PRKG1: variants seen among roughly 807,000 people sequenced by gnomAD.
PRKG1 encodes the protein cGMP-dependent protein kinase 1.
A neutral mutation model predicts 88.1 loss-of-function variants in PRKG1; 35 were observed. The ratio of observed to expected loss-of-function variants is 0.40; its 90% CI spans 0.30 to 0.53. The LOEUF (loss-of-function observed/expected upper bound fraction) is 0.53. Among genes scored for constraint, PRKG1 ranks in the 20% least tolerant of loss-of-function variants. The pLI is 0.59. For synonymous variants in PRKG1, 303 were observed against 292.5 expected, an observed-to-expected ratio of 1.04 and a Z score of -0.37; for missense variants, 540 against 839.8, an observed-to-expected ratio of 0.64 and a Z score of 4.41.
chr10:52,191,306 G>A (rs10824223), intron 9 of PRKG1, among the ~76,000 whole-genome samples: 31,679 of 151,618 alleles, frequency 0.21, 4,673 homozygotes, highest in African/African-American at 0.42. Flanking sequence ...CACAGCAGGA[G>A]TGGCAGGAGC....
At chr10:51,458,862 C>A (rs1472092682) in intron 2 of PRKG1, among the ~76,000 whole-genome samples, 1 of 151,984 alleles carries the variant, frequency 6.6e-6, no homozygotes, top group Non-Finnish European at 1.5e-5. Context: ...ACTACAGAAA[C>A]CCACACATAA....
chr10:52,142,009 G>A (rs1335830613), intron 8 of PRKG1, among the ~76,000 whole-genome samples: 1 of 152,060 alleles, frequency 6.6e-6, no homozygotes, highest in Non-Finnish European at 1.5e-5. Flanking sequence ...GAAGTGTCAG[G>A]TATACTCAAA....
Position 50,991,632 on chromosome 10 carries a change from C to T in PRKG1, c.254C>T (p.Thr85Ile), listed in dbSNP as rs1305435939. ...CTCCGACAGGCATTCCGGAAGTTCA[C>T]CAAGTCCGAAAGGTAGGCGCGGAGG... The change falls in exon 1 of 18, where the codon ACC (threonine) becomes ATC (isoleucine). Residue 85 changes from threonine to isoleucine, a missense_variant. Physicochemically the swap from Thr to Ile is moderately conservative, Grantham distance 89. Transcript: ENST00000401604. This position sits in a 1 kb window ranked among gnomAD's most constrained non-coding sequence, Gnocchi z 4.5. 6.5e-7 allele frequency: 1 copy of T among 1,535,576 alleles called. No homozygotes were observed. The highest frequency in any genetic ancestry group is 8.8e-7 in the Non-Finnish European group (1 of 1,141,348).
intron 5 of PRKG1, among the ~76,000 whole-genome samples, chr10:52,014,235 G>A (rs4495849): frequency 0.16 from 24,780 of 152,026 alleles, 2,339 homozygotes; most frequent in South Asian, 0.26. Flanking sequence ...ATCGACTCAT[G>A]GTTTCATATG....
chr10:51,445,224 G>T (rs151236427), intron 2 of PRKG1, among the ~76,000 whole-genome samples: 78 of 151,952 alleles, frequency 5.1e-4, no homozygotes, highest in African/African-American at 1.8e-3. Context: ...AGTGTTCTTG[G>T]AACTGAAAAT....
chr10:51,193,225 G>A (rs930705149), intron 2 of PRKG1, among the ~76,000 whole-genome samples: 6 of 151,950 alleles, frequency 3.9e-5, no homozygotes, highest in Non-Finnish European at 8.8e-5. Flanking sequence ...GAAGGTACTT[G>A]AATATAGCTC....
At chr10:51,021,925 C>A (rs1278140922) in intron 1 of PRKG1, among the ~76,000 whole-genome samples, 1 of 152,216 alleles carries the variant, frequency 6.6e-6, no homozygotes, top group African/African-American at 2.4e-5. Context: ...AGGCAATCCA[C>A]CTGCCTCGGC....
chr10:52,117,291 T>C (rs950744773), intron 7 of PRKG1, among the ~76,000 whole-genome samples: 1 of 150,684 alleles, frequency 6.6e-6, no homozygotes, highest in Non-Finnish European at 1.5e-5. Flanking sequence ...AAAAATACCT[T>C]CCTTAGTTTA....
chr10:51,046,605 G>C (rs142075420), intron 1 of PRKG1, among the ~76,000 whole-genome samples: 1 of 152,136 alleles, frequency 6.6e-6, no homozygotes, highest in Admixed American at 6.5e-5. Context: ...GCAGAGAGAC[G>C]ACAGGTCTTA....
At chr10:52,280,641 A>G in intron 12 of PRKG1, 148 bp from the exon 13 acceptor site, 2 of 800,974 alleles carry the variant, frequency 2.5e-6, no homozygotes, top group South Asian at 3.4e-5. Context: ...ACCCAATGTA[A>G]TGGCAATCAT....
intron 2 of PRKG1, among the ~76,000 whole-genome samples, chr10:51,444,641 T>C (rs973625702): frequency 6.6e-6 from 1 of 151,948 alleles, no homozygotes; most frequent in Non-Finnish European, 1.5e-5. Flanking sequence ...ACCAATTTGA[T>C]ATCTTAGATA....
chr10:52,124,861 C>T (rs1057498990), intron 7 of PRKG1, among the ~76,000 whole-genome samples: 1 of 151,960 alleles, frequency 6.6e-6, no homozygotes, highest in Admixed American at 6.6e-5. Context: ...TAGTGTAGGT[C>T]TACACAGGGT....
intron 5 of PRKG1, among the ~76,000 whole-genome samples, chr10:52,000,656 CTCT>C (rs1844570744): frequency 1.3e-5 from 2 of 152,032 alleles, no homozygotes; most frequent in South Asian, 4.1e-4. Flanking sequence ...CTAACTGCTT[CTCT>C]TCTTCTATCT....
chr10:51,265,306 G>A (rs1443623804), intron 2 of PRKG1, among the ~76,000 whole-genome samples: 1 of 151,988 alleles, frequency 6.6e-6, no homozygotes, highest in Non-Finnish European at 1.5e-5. Context: ...CTACTGCTAG[G>A]GTTGCCAGAT....
chr10:52,090,510 G>A (rs1589598295), intron 7 of PRKG1, among the ~76,000 whole-genome samples: 1 of 147,370 alleles, frequency 6.8e-6, no homozygotes, highest in African/African-American at 2.6e-5. Flanking sequence ...AGAAATAAGG[G>A]AAATAGAAAA....
intron 2 of PRKG1, among the ~76,000 whole-genome samples, chr10:51,402,487 A>G (rs906465368): frequency 6.6e-6 from 1 of 152,202 alleles, no homozygotes. Flanking sequence ...AAGATACTGG[A>G]CTTCCTTCAG....
chr10:51,363,296 A>C (rs1354164630), intron 2 of PRKG1, among the ~76,000 whole-genome samples: 1 of 151,810 alleles, frequency 6.6e-6, no homozygotes, highest in Non-Finnish European at 1.5e-5. Context: ...ATTGATAAGC[A>C]TGCCCCCTTC....
intron 16 of PRKG1, among the ~76,000 whole-genome samples, chr10:52,289,560 T>G (rs1216505471): frequency 6.6e-6 from 1 of 152,150 alleles, no homozygotes; most frequent in Admixed American, 6.6e-5. Context: ...CAAAGAAACA[T>G]GTTTACTAAA....
chr10:51,039,259 T>A (rs1489483085), intron 1 of PRKG1, among the ~76,000 whole-genome samples: 1 of 152,232 alleles, frequency 6.6e-6, no homozygotes, highest in Non-Finnish European at 1.5e-5. Context: ...TTGCCTGTTT[T>A]TGGAAAAAAG....
Sources: gnomAD v4.1 joint callset for allele counts (sites outside exome capture counted in the v4.1 genomes callset) on GRCh38, gnomAD v4.1.1 for gene constraint, Gnocchi (gnomAD v3.1) non-coding constraint, MANE v1.5 for transcripts, NCBI Gene and HGNC (gene_info 2026-07-23, HGNC 2026-07-21) for gene names.